The following MBOAT7 variants were observed in gnomAD, a reference collection of about 807,000 sequenced individuals.
The protein encoded by MBOAT7 is membrane-bound acylglycerophosphatidylinositol O-acyltransferase MBOAT7.
A neutral mutation model predicts 47.4 loss-of-function variants in MBOAT7; 40 were observed. That is an observed-to-expected ratio of 0.84 (90% CI 0.66 to 1.10). MBOAT7 has a LOEUF of 1.10. Ranked by LOEUF, MBOAT7 falls within the 50% of genes least tolerant of loss-of-function variation. MBOAT7 has a pLI of 0.00. For missense variants in MBOAT7, 680 were observed against 655.6 expected (o/e 1.04, Z -0.41); for synonymous variants, 361 against 292.0 (o/e 1.24, Z -2.41).
chr19:54,180,501 T>G lies in MBOAT7; in HGVS notation c.854+272A>C. ...GTGGCAACAGAGGGGTGGCACAGGG[T>G]TGCTAAGTTACCACCTTTTCCTAGC... is the stretch of plus-strand genomic sequence containing the variant. On this transcript the variant is annotated intron_variant, in intron 6 of 7. Transcript: ENST00000245615. The surrounding 1 kb of genome is among the most constrained non-coding windows in gnomAD (Gnocchi z 5.2). 2.3e-6 allele frequency: 1 copy of G among 427,308 alleles called. No homozygotes were observed. The highest frequency in any genetic ancestry group is 4.2e-6 in the Non-Finnish European group (1 of 240,412). The allele number at this position is 427,308 out of a possible 1,614,324, so 26.5% of individuals were successfully genotyped here. A position where few individuals can be genotyped will look rare whatever the true frequency, so the allele number is the denominator to read the frequency against.
At position 54,178,744 on chromosome 19, in the gene MBOAT7, AGACT is replaced by A. The variant is rs760053104; in HGVS notation, c.1031+17_1031+20del. 1 of 1,611,354 alleles carries A rather than the reference AGACT, an allele frequency of 6.2e-7. No individual in the cohort carries two copies. Among genetic ancestry groups the A allele is most frequent in the Admixed American group, 1.7e-5 (1 of 59,968 alleles). On this transcript the variant is annotated intron_variant, in intron 7 of 7. Coordinates refer to ENST00000245615, the MANE Select transcript of MBOAT7 (RefSeq NM_024298.5). The stretch of plus-strand genomic sequence containing the variant: ...AGATGTAGTTCTGCAGTGTCACCTG[AGACT>A]GGGCGGGCTCACTCACCGCAGGACA...
At chr19:54,179,222 C>A in intron 6 of MBOAT7, 1 of 543,412 alleles carries the variant, frequency 1.8e-6, no homozygotes, top group East Asian at 3.0e-5. Flanking sequence ...CCTTGAAGGG[C>A]TATGGTTGCT....
At chr19:54,185,781 C>T (rs553227873) in intron 4 of MBOAT7, among the ~76,000 whole-genome samples, 4 of 152,036 alleles carry the variant, frequency 2.6e-5, no homozygotes, top group Admixed American at 1.3e-4. Flanking sequence ...CTGCAACCTC[C>T]ACCTTCCAGG....
At chr19:54,179,108 G>A in intron 6 of MBOAT7, 167 bp from the exon 7 acceptor site, 2 of 886,218 alleles carry the variant, frequency 2.3e-6, no homozygotes, top group Non-Finnish European at 3.4e-6. Context: ...GGCCCAGAGG[G>A]TGCCTGTAGG....
intron 4 of MBOAT7, among the ~76,000 whole-genome samples, chr19:54,184,145 C>A (rs1428757625): frequency 6.7e-6 from 1 of 149,454 alleles, no homozygotes; most frequent in African/African-American, 2.5e-5. Flanking sequence ...CAAATCCGAT[C>A]CTTTAATCTC....
chr19:54,177,863 G>C (rs1390765191), intron 7 of MBOAT7, among the ~76,000 whole-genome samples: 1 of 146,086 alleles, frequency 6.8e-6, no homozygotes, highest in Non-Finnish European at 1.5e-5. Flanking sequence ...GGGATTACAA[G>C]TGTGAGCCAC....
Position 54,181,015 on chromosome 19 carries a change from C to T in MBOAT7, c.612G>A (p.Leu204=). ...GGAAGAGGTGAGAGGAGAGCAGGAA[C>T]AGCAGGCCGAAGAGCGGGGCCGGCC... ...RAWPAPLFGL[L]FLLSSHLFPL... Residue 204 remains leucine (L), a synonymous_variant, in exon 6 of 8, where the codon CTG becomes CTA. Transcript: ENST00000245615. The T allele has an allele frequency of 6.4e-7, 1 of 1,556,856 alleles. No homozygotes were observed. Among genetic ancestry groups the T allele is most frequent in the South Asian group, 1.2e-5 (1 of 84,552 alleles).
In MBOAT7 at chr19:54,173,961, G is replaced by T. The variant is rs1413510325; in HGVS notation, c.*83C>A. 6.9e-7 allele frequency: 1 copy of T among 1,449,028 alleles called. No individual in the cohort carries two copies. Among genetic ancestry groups the T allele is most frequent in the Non-Finnish European group, 9.2e-7 (1 of 1,089,342 alleles). 89.8% of individuals were successfully genotyped at this position (1,449,028 alleles called of 1,614,324 possible). A position where few individuals can be genotyped will look rare whatever the true frequency, so the allele number is the denominator to read the frequency against. Reference sequence around the variant, plus strand: ...AATTCTCTCCAGGACCCTCTCCAAGGTAAGGACTCTTTCTGGGGAGGAGAC... The same window carrying T: ...AATTCTCTCCAGGACCCTCTCCAAGTTAAGGACTCTTTCTGGGGAGGAGAC... On this transcript the variant is annotated 3_prime_UTR_variant, in exon 8 of 8. Coordinates refer to ENST00000245615, the MANE Select transcript of MBOAT7 (RefSeq NM_024298.5).
Position 54,187,594 on chromosome 19 carries a change from A to C in MBOAT7, c.207-307T>G, listed in dbSNP as rs1041210380. Reference sequence around the variant, plus strand: ...TCCGAGGTCCAGGGCTCAAGAAGAGAGAGGTGGATATGAATGAATATGAAC... The same window carrying C: ...TCCGAGGTCCAGGGCTCAAGAAGAGCGAGGTGGATATGAATGAATATGAAC... On this transcript the variant is annotated intron_variant, in intron 3 of 7. Transcript: ENST00000245615. Among the ~76,000 whole-genome samples, 4 of 152,178 alleles carry C rather than the reference A, an allele frequency of 2.6e-5. No individual in the cohort carries two copies. In the East Asian group the frequency reaches 7.7e-4, roughly 29 times the overall value.
intron 4 of MBOAT7, 138 bp downstream of exon 4, chr19:54,187,023 G>T: frequency 1.9e-6 from 2 of 1,069,788 alleles, no homozygotes; most frequent in African/African-American, 1.6e-5. Context: ...CTGTGCCCAG[G>T]GCAGCAAGTG....
chr19:54,179,842 C>T (rs1268759412), intron 6 of MBOAT7: 1 of 152,170 alleles, frequency 6.6e-6, no homozygotes, highest in Non-Finnish European at 1.5e-5. Context: ...TCATCATTTA[C>T]ATCAACAGGC....
Position 54,177,900 on chromosome 19 carries a change from G to GTTTTTTTTTTTT in MBOAT7, c.1031+853_1031+864dup, listed in dbSNP as rs761565984. Among the ~76,000 whole-genome samples the GTTTTTTTTTTTT allele has an allele frequency of 5.0e-4, 38 of 75,998 alleles. 11 individuals are homozygous for GTTTTTTTTTTTT. Among genetic ancestry groups the GTTTTTTTTTTTT allele is most frequent in the Non-Finnish European group, 6.6e-4 (27 of 41,170 alleles). The allele number at this position is 75,998 out of a possible 152,430, so 49.9% of individuals were successfully genotyped here. ...ATGCCTGGCTATGAGTTCTACTTCT[G>GTTTTTTTTTTTT]TTTTTTTTTTTTTTTTTTTTTTTTT... On this transcript the variant is annotated intron_variant, in intron 7 of 7. Coordinates refer to ENST00000245615, the MANE Select transcript of MBOAT7 (RefSeq NM_024298.5).
chr19:54,183,761 C>G, intron 4 of MBOAT7, 81 bp from the exon 5 acceptor site: 1 of 1,384,870 alleles, frequency 7.2e-7, no homozygotes, highest in East Asian at 2.8e-5. Flanking sequence ...CGGCTGCCCT[C>G]GGCAGCCAAG....
Position 54,173,999 on chromosome 19 carries a change from C to A in MBOAT7, c.*45G>T, listed in dbSNP as rs1172986545. 2.6e-6 allele frequency: 4 copies of A among 1,528,314 alleles called. No individual in the cohort carries two copies. Among genetic ancestry groups the A allele is most frequent in the Non-Finnish European group, 3.5e-6 (4 of 1,141,892 alleles). 94.7% of individuals were successfully genotyped at this position (1,528,314 alleles called of 1,614,324 possible). ...CTGGGGAGGAGACAGCAGCCTGGTT[C>A]ACAGAATTCCCGGGACCAGCTGGCA... On this transcript the variant is annotated 3_prime_UTR_variant, in exon 8 of 8. Transcript: ENST00000245615.
At chr19:54,178,439 T>G in intron 7 of MBOAT7, 1 of 1,282,686 alleles carries the variant, frequency 7.8e-7, no homozygotes, top group Admixed American at 3.8e-5. Flanking sequence ...AACTAAGAGG[T>G]CAACTAACTC....
In MBOAT7 at chr19:54,178,435, G is replaced by A. The variant is rs1049343240; in HGVS notation, c.1031+330C>T. The A allele has an allele frequency of 3.0e-5, 39 of 1,280,288 alleles. No individual in the cohort carries two copies. In the African/African-American group the frequency reaches 5.5e-4, roughly 18 times the overall value. The allele number at this position is 1,280,288 out of a possible 1,614,324, so 79.3% of individuals were successfully genotyped here. A position where few individuals can be genotyped will look rare whatever the true frequency, so the allele number is the denominator to read the frequency against. On this transcript the variant is annotated intron_variant, in intron 7 of 7. Transcript: ENST00000245615. Reference sequence around the variant, plus strand: ...TCCATTCAACACTTGAGGCAACTAAGAGGTCAACTAACTCCTCAAGGTTTC... The same window carrying A: ...TCCATTCAACACTTGAGGCAACTAAAAGGTCAACTAACTCCTCAAGGTTTC...
rs1182802201 is a variant in MBOAT7 at position 54,180,693 on chromosome 19, C to T, written c.854+80G>A. The T allele has an allele frequency of 7.4e-7, 1 of 1,354,618 alleles. No individual in the cohort carries two copies. The highest frequency in any genetic ancestry group is 9.7e-7 in the Non-Finnish European group (1 of 1,028,300). The allele number at this position is 1,354,618 out of a possible 1,614,324, so 83.9% of individuals were successfully genotyped here. A position where few individuals can be genotyped will look rare whatever the true frequency, so the allele number is the denominator to read the frequency against. ...TGGCCCTGGCCCCTTGCTCCCCGCT[C>T]TCCTCCCGGCTAGGGGCAGAGCCAG... On this transcript the variant is annotated intron_variant, in intron 6 of 7. Transcript: ENST00000245615. This position sits in a 1 kb window ranked among gnomAD's most constrained non-coding sequence, Gnocchi z 5.2.
At position 54,188,242 on chromosome 19, in the gene MBOAT7, A is replaced by AGAATGAG; in HGVS notation, c.180_181insCTCATTC (p.Trp61LeufsTer60). 6.2e-7 allele frequency: 1 copy of AGAATGAG among 1,613,492 alleles called. No individual in the cohort carries two copies. Among genetic ancestry groups the AGAATGAG allele is most frequent in the South Asian group, 1.1e-5 (1 of 90,998 alleles). Reference sequence around the variant, plus strand: ...CAGGGCTGGGCCTGAATGAGGGCCCAGGTCCCGAGGATGGTGACCAGAGAA... The same window carrying AGAATGAG: ...CAGGGCTGGGCCTGAATGAGGGCCCAGAATGAGGGTCCCGAGGATGGTGACCAGAGAA... On this transcript the variant is annotated frameshift_variant, in exon 3 of 8. Coordinates refer to ENST00000245615, the MANE Select transcript of MBOAT7 (RefSeq NM_024298.5). LOFTEE classifies it high-confidence loss of function.
chr19:54,178,507 C>T, intron 7 of MBOAT7: 6 of 1,388,630 alleles, frequency 4.3e-6, no homozygotes, highest in Non-Finnish European at 5.6e-6. Context: ...GCTATTGAGT[C>T]CACAGGACTC....
Sources: gnomAD v4.1 joint callset for allele counts (sites outside exome capture counted in the v4.1 genomes callset) on GRCh38, gnomAD v4.1.1 for gene constraint, Gnocchi (gnomAD v3.1) non-coding constraint, MANE v1.5 for transcripts, NCBI Gene and HGNC (gene_info 2026-07-23, HGNC 2026-07-21) for gene names.